Variants in TCF7L1 observed in about 807,000 individuals in gnomAD.
The protein encoded by TCF7L1 is transcription factor 7-like 1.
Under a neutral mutation model 63.7 loss-of-function variants are expected in TCF7L1, and 18 were observed. The ratio of observed to expected loss-of-function variants is 0.28; its 90% CI spans 0.20 to 0.42. The LOEUF (loss-of-function observed/expected upper bound fraction) is 0.42, where lower values mean the gene tolerates loss of function less well. Ranked by LOEUF, TCF7L1 falls within the 10% of genes least tolerant of loss-of-function variation. TCF7L1 has a pLI of 1.00. For synonymous variants in TCF7L1, 355 were observed against 340.9 expected (o/e 1.04, Z -0.46); for missense variants, 654 against 779.3 (o/e 0.84, Z 1.91).
At chr2:85,286,936 G>A (rs571637981) in intron 4 of TCF7L1, among the ~76,000 whole-genome samples, 5 of 152,078 alleles carry the variant, frequency 3.3e-5, no homozygotes, top group South Asian at 2.1e-4. Flanking sequence ...AGACCCTGTC[G>A]TGAACAAAAA....
intron 11 of TCF7L1, among the ~76,000 whole-genome samples, chr2:85,308,793 G>C (rs76255126): frequency 3.9e-5 from 6 of 152,084 alleles, no homozygotes; most frequent in Admixed American, 3.9e-4. Context: ...ACACTGAGCC[G>C]TCTTCTCTCC....
chr2:85,235,432 G>T (rs1680168220), intron 3 of TCF7L1, among the ~76,000 whole-genome samples: 1 of 151,640 alleles, frequency 6.6e-6, no homozygotes. Flanking sequence ...CTCTGGGGAT[G>T]CTGGGAATGT....
intron 4 of TCF7L1, among the ~76,000 whole-genome samples, chr2:85,299,810 G>A (rs1681925634): frequency 6.7e-6 from 1 of 148,250 alleles, no homozygotes; most frequent in South Asian, 2.1e-4. Flanking sequence ...AGTGAACCGA[G>A]ATTGCACCAC....
chr2:85,300,522 C>A (rs1681946369), intron 4 of TCF7L1, among the ~76,000 whole-genome samples: 1 of 152,154 alleles, frequency 6.6e-6, no homozygotes, highest in African/African-American at 2.4e-5. Context: ...GCTGGCGCCA[C>A]CTGGTGGTCA....
intron 3 of TCF7L1, among the ~76,000 whole-genome samples, chr2:85,188,258 C>T (rs970868487): frequency 1.3e-5 from 2 of 152,122 alleles, no homozygotes; most frequent in Admixed American, 6.5e-5. Context: ...CATAGGGCTA[C>T]ACATACACAC....
intron 3 of TCF7L1, among the ~76,000 whole-genome samples, chr2:85,170,025 T>G (rs749962378): frequency 2.6e-5 from 4 of 152,232 alleles, no homozygotes; most frequent in Non-Finnish European, 4.4e-5. Context: ...CGCATAAACC[T>G]GCGTTCTGCA....
At chr2:85,299,860 A>AACACACACACACACACAC (rs61569778) in intron 4 of TCF7L1, among the ~76,000 whole-genome samples, 3,972 of 92,660 alleles carry the variant, frequency 0.043, 383 homozygotes, top group East Asian at 0.1. Flanking sequence ...CCTTGTCTCA[A>AACACACACACACACACAC]ACACACACAC....
intron 3 of TCF7L1, among the ~76,000 whole-genome samples, chr2:85,239,176 A>T (rs1348740395): frequency 6.6e-6 from 1 of 152,104 alleles, no homozygotes. Flanking sequence ...CCTGTTTTGG[A>T]GATGTATATA....
At chr2:85,234,697 C>A (rs907934850) in intron 3 of TCF7L1, among the ~76,000 whole-genome samples, 1 of 152,076 alleles carries the variant, frequency 6.6e-6, no homozygotes, top group African/African-American at 2.4e-5. Flanking sequence ...CTTTCTAAAT[C>A]ACAAAATCAC....
intron 3 of TCF7L1, among the ~76,000 whole-genome samples, chr2:85,194,441 A>G (rs1679106428): frequency 6.6e-6 from 1 of 152,242 alleles, no homozygotes; most frequent in Non-Finnish European, 1.5e-5. Flanking sequence ...AGGCAGGAGA[A>G]TCAGGCTGAT....
intron 3 of TCF7L1, among the ~76,000 whole-genome samples, chr2:85,159,877 A>G (rs561567837): frequency 4.1e-4 from 63 of 152,132 alleles, no homozygotes; most frequent in Middle Eastern, 6.8e-3. Flanking sequence ...TTCCTCCACA[A>G]GCGTCTCTGT....
intron 3 of TCF7L1, among the ~76,000 whole-genome samples, chr2:85,200,599 T>C (rs1679250815): frequency 6.6e-6 from 1 of 152,196 alleles, no homozygotes; most frequent in African/African-American, 2.4e-5. Context: ...AATTCAACTT[T>C]TTCCTGTAAT....
At chr2:85,247,446 A>G (rs1680492197) in intron 3 of TCF7L1, among the ~76,000 whole-genome samples, 1 of 152,342 alleles carries the variant, frequency 6.6e-6, no homozygotes, top group East Asian at 1.9e-4. Flanking sequence ...ATCTCTTCCA[A>G]TGAGACCTTT....
chr2:85,250,181 T>C (rs1680557297), intron 3 of TCF7L1, among the ~76,000 whole-genome samples: 2 of 152,158 alleles, frequency 1.3e-5, no homozygotes, highest in Admixed American at 1.3e-4. Flanking sequence ...CCAATTTCCA[T>C]GATGTAAATA....
At chr2:85,245,309 A>T (rs1056628218) in intron 3 of TCF7L1, among the ~76,000 whole-genome samples, 3 of 152,166 alleles carry the variant, frequency 2.0e-5, no homozygotes, top group Admixed American at 6.5e-5. Context: ...CTTGCTTAGG[A>T]TAGTGGGCCA....
intron 5 of TCF7L1, chr2:85,303,672 C>T (rs1682036935): frequency 2.3e-6 from 1 of 429,886 alleles, no homozygotes; most frequent in Non-Finnish European, 4.1e-6. Context: ...AGATAGAATC[C>T]GTGCAGCTAG....
At chr2:85,258,843 C>T (rs972769646) in intron 3 of TCF7L1, among the ~76,000 whole-genome samples, 4 of 152,184 alleles carry the variant, frequency 2.6e-5, no homozygotes, top group African/African-American at 4.8e-5. Flanking sequence ...TGCCCGCCTC[C>T]GAAGGCGTCT....
chr2:85,159,835 G>A (rs1249631049), intron 3 of TCF7L1, among the ~76,000 whole-genome samples: 2 of 152,150 alleles, frequency 1.3e-5, no homozygotes, highest in African/African-American at 2.4e-5. Context: ...GTCCCTCCTT[G>A]CTGGCTTTCT....
At chr2:85,260,409 G>A (rs1413518397) in intron 3 of TCF7L1, among the ~76,000 whole-genome samples, 1 of 151,982 alleles carries the variant, frequency 6.6e-6, no homozygotes, top group Admixed American at 6.6e-5. Context: ...GGTTGAGGCG[G>A]GCAGATTGCT....
Sources: gnomAD v4.1 joint callset for allele counts (sites outside exome capture counted in the v4.1 genomes callset) on GRCh38, gnomAD v4.1.1 for gene constraint, MANE v1.5 for transcripts, NCBI Gene and HGNC (gene_info 2026-07-23, HGNC 2026-07-21) for gene names.